The following LRRC10 variants were observed in gnomAD, a reference collection of about 807,000 sequenced individuals.
The protein encoded by LRRC10 is leucine-rich repeat-containing protein 10.
A neutral mutation model predicts 11.1 loss-of-function variants in LRRC10; 6 were observed. The ratio of observed to expected loss-of-function variants is 0.54; its 90% CI spans 0.30 to 1.07. The LOEUF (loss-of-function observed/expected upper bound fraction) is 1.07. Ranked by LOEUF, LRRC10 falls within the 50% of genes least tolerant of loss-of-function variation. The probability of loss-of-function intolerance (pLI) is 0.07; values close to 1 mark genes in which losing one functional copy is unlikely to be tolerated. For missense variants in LRRC10, 320 were observed against 355.5 expected (o/e 0.90, Z 0.80); for synonymous variants, 145 against 153.6 (o/e 0.94, Z 0.41).
chr12:69,608,613 CA>C lies in LRRC10; in HGVS notation c.*1391del, dbSNP rs1416615974. On this transcript the variant is annotated 3_prime_UTR_variant, in exon 1 of 1. Coordinates refer to ENST00000361484, the MANE Select transcript of LRRC10 (RefSeq NM_201550.4). ...GGGAAGGTCACAATTTACATACTTCCAAAAAACAAAATACCTTGGTTTATAC... is the reference window on the plus strand; with the variant it reads ...GGGAAGGTCACAATTTACATACTTCCAAAAACAAAATACCTTGGTTTATAC... 1.3e-5 allele frequency: 2 copies of C among 152,012 alleles called. No individual in the cohort carries two copies. Among genetic ancestry groups the C allele is most frequent in the African/African-American group, 4.8e-5 (2 of 41,382 alleles). 9.4% of individuals were successfully genotyped at this position (152,012 alleles called of 1,614,324 possible). A position where few individuals can be genotyped will look rare whatever the true frequency, so the allele number is the denominator to read the frequency against.
Position 69,610,034 on chromosome 12 carries a change from C to CACCAG in LRRC10, c.804_805insCTGGT (p.Val269LeufsTer64). ...GAGTTGGTAGGAGGAAGTAGAGGGA[C>CACCAG]TGGTGCCTGTAGCTCCTGGCTTTCC... On this transcript the variant is annotated frameshift_variant, in exon 1 of 1. Coordinates refer to ENST00000361484, the MANE Select transcript of LRRC10 (RefSeq NM_201550.4). LOFTEE classifies it low-confidence loss of function (END_TRUNC). 1 of 1,614,198 alleles carries CACCAG rather than the reference C, an allele frequency of 6.2e-7. No individual in the cohort carries two copies. Among genetic ancestry groups the CACCAG allele is most frequent in the East Asian group, 2.2e-5 (1 of 44,874 alleles).
Position 69,609,652 on chromosome 12 carries a change from C to CA in LRRC10, c.*352dup. On this transcript the variant is annotated 3_prime_UTR_variant, in exon 1 of 1. Coordinates refer to ENST00000361484, the MANE Select transcript of LRRC10 (RefSeq NM_201550.4). The stretch of plus-strand genomic sequence containing the variant: ...TGGCAAATACCTTATTTGAGGAGCT[C>CA]ATGAGCTTCATGACCAGTCACTTCT... 1 of 250,994 alleles carries CA rather than the reference C, an allele frequency of 4.0e-6. No individual in the cohort carries two copies. The highest frequency in any genetic ancestry group is 1.4e-3 in the Middle Eastern group (1 of 720). 15.5% of individuals were successfully genotyped at this position (250,994 alleles called of 1,614,324 possible).
rs746667362 is a variant in LRRC10, at chr12:69,610,714, C to A, written c.125G>T (p.Arg42Leu). 2.5e-6 allele frequency: 4 copies of A among 1,614,130 alleles called. No homozygotes were observed. Among genetic ancestry groups the A allele is most frequent in the Non-Finnish European group, 3.4e-6 (4 of 1,180,022 alleles). The change falls in exon 1 of 1, where the codon CGC becomes CTC. Residue 42 changes from arginine to leucine, a missense_variant. Arg to Leu is a moderately radical substitution (Grantham distance 102). Transcript: ENST00000361484. ...KMVDLSGSQL[R>L]RFPLHVCSFR... ...GGAGCACACGTGCAGGGGGAAGCGG[C>A]GTAACTGGCTCCCACTCAGATCCAC...
At position 69,609,926 on chromosome 12, in the gene LRRC10, C is replaced by T. The variant is rs997626716; in HGVS notation, c.*79G>A. 1 of 1,400,688 alleles carries T rather than the reference C, an allele frequency of 7.1e-7. No homozygotes were observed. Among genetic ancestry groups the T allele is most frequent in the South Asian group, 1.3e-5 (1 of 75,754 alleles). The allele number at this position is 1,400,688 out of a possible 1,614,324, so 86.8% of individuals were successfully genotyped here. A position where few individuals can be genotyped will look rare whatever the true frequency, so the allele number is the denominator to read the frequency against. Reference sequence around the variant, plus strand: ...GAGCCACTCCCAAATGACCCAGAGCCATCCTTTCCACTCCAATGGAGAGGC... The same window carrying T: ...GAGCCACTCCCAAATGACCCAGAGCTATCCTTTCCACTCCAATGGAGAGGC... On this transcript the variant is annotated 3_prime_UTR_variant, in exon 1 of 1. Coordinates refer to ENST00000361484, the MANE Select transcript of LRRC10 (RefSeq NM_201550.4).
Position 69,610,332 on chromosome 12 carries a change from C to T in LRRC10, c.507G>A (p.Leu169=). The T allele has an allele frequency of 6.2e-7, 1 of 1,613,432 alleles. No homozygotes were observed. Residue 169 remains leucine, a synonymous_variant, in exon 1 of 1, where the codon CTG becomes CTA. Transcript: ENST00000361484. Reference sequence around the variant, plus strand: ...GGTTGCCCGAGAGCCAGATGGTCCTCAGCTCCTGGAGGCGCCGGAGCTGGC... The same window carrying T: ...GGTTGCCCGAGAGCCAGATGGTCCTTAGCTCCTGGAGGCGCCGGAGCTGGC... ...LPGQLRRLQE[L]RTIWLSGNRL... is the part of the protein sequence containing the mutation.
Position 69,610,531 on chromosome 12 carries a change from A to C in LRRC10, c.308T>G (p.Leu103Arg). Residue 103 changes from leucine to arginine, a missense_variant, in exon 1 of 1, where the codon CTC becomes CGC. Leu to Arg is a moderately radical substitution (Grantham distance 102). Coordinates refer to ENST00000361484, the MANE Select transcript of LRRC10 (RefSeq NM_201550.4). Reference protein sequence around the residue: ...VVCTLKQLCILYLGNNKLCDL... With the variant: ...VVCTLKQLCIRYLGNNKLCDL... The stretch of plus-strand genomic sequence containing the variant: ...GCAGAGTTTGTTGTTGCCCAGGTAG[A>C]GGATGCAGAGCTGTTTCAAGGTGCA... 1 of 1,614,126 alleles carries C rather than the reference A, an allele frequency of 6.2e-7. No homozygotes were observed. The highest frequency in any genetic ancestry group is 8.5e-7 in the Non-Finnish European group (1 of 1,180,024).
At position 69,610,428 on chromosome 12, in the gene LRRC10, C is replaced by T. The variant is rs762992535; in HGVS notation, c.411G>A (p.Pro137=). Residue 137 remains proline (P), a synonymous_variant, in exon 1 of 1, where the codon CCG becomes CCA. Transcript: ENST00000361484. ...WIEANCLTQL[P]DVVCELSLLK... ...GGAGACTCAGCTCACAGACCACATCCGGCAGCTGGGTGAGGCAGTTGGCCT... is the reference window on the plus strand; with the variant it reads ...GGAGACTCAGCTCACAGACCACATCTGGCAGCTGGGTGAGGCAGTTGGCCT... The T allele has an allele frequency of 2.2e-5, 35 of 1,613,836 alleles. No individual in the cohort carries two copies. The highest frequency in any genetic ancestry group is 9.3e-5 in the African/African-American group (7 of 74,934).
rs1325389891 is a variant in LRRC10, at chr12:69,610,472, G to A, written c.367C>T (p.Leu123Phe). ...LPSELSLLQN[L>F]RTLWIEANCL... Reference sequence around the variant, plus strand: ...TTGGCCTCGATCCACAGGGTCCTGAGGTTCTGGAGCAGGCTCAGCTCACTG... The same window carrying A: ...TTGGCCTCGATCCACAGGGTCCTGAAGTTCTGGAGCAGGCTCAGCTCACTG... Residue 123 changes from leucine to phenylalanine, a missense_variant, in exon 1 of 1, where the codon CTC (leucine) becomes TTC (phenylalanine). By Grantham distance (22) the Leu-to-Phe change is conservative. Coordinates refer to ENST00000361484, the MANE Select transcript of LRRC10 (RefSeq NM_201550.4). 3.7e-6 allele frequency: 6 copies of A among 1,614,186 alleles called. No homozygotes were observed. In the Admixed American group the frequency reaches 5.0e-5, roughly 13 times the overall value.
chr12:69,610,344 G>A lies in LRRC10; in HGVS notation c.495C>T (p.Arg165=). The A allele has an allele frequency of 6.2e-7, 1 of 1,613,366 alleles. No homozygotes were observed. The highest frequency in any genetic ancestry group is 1.7e-5 in the Admixed American group (1 of 60,022). Residue 165 remains arginine (R), a synonymous_variant, in exon 1 of 1, where the codon CGC becomes CGT. Coordinates refer to ENST00000361484, the MANE Select transcript of LRRC10 (RefSeq NM_201550.4). ...ALRLLPGQLR[R]LQELRTIWLS... is the part of the protein sequence containing the mutation. Reference sequence around the variant, plus strand: ...GCCAGATGGTCCTCAGCTCCTGGAGGCGCCGGAGCTGGCCTGGCAGCAAAC... The same window carrying A: ...GCCAGATGGTCCTCAGCTCCTGGAGACGCCGGAGCTGGCCTGGCAGCAAAC...
rs976677708 is a variant in LRRC10, at chr12:69,608,904, G to C, written c.*1101C>G. Reference sequence around the variant, plus strand: ...AGAAGGGCTTTGCTTCAGGGAGGTAGACAGGAATCACAACAAGGCTTGACT... The same window carrying C: ...AGAAGGGCTTTGCTTCAGGGAGGTACACAGGAATCACAACAAGGCTTGACT... On this transcript the variant is annotated 3_prime_UTR_variant, in exon 1 of 1. Coordinates refer to ENST00000361484, the MANE Select transcript of LRRC10 (RefSeq NM_201550.4). The C allele has an allele frequency of 2.6e-5, 4 of 152,260 alleles. No homozygotes were observed. The highest frequency in any genetic ancestry group is 5.9e-5 in the Non-Finnish European group (4 of 68,062). 9.4% of individuals were successfully genotyped at this position (152,260 alleles called of 1,614,324 possible).
rs762951776 is a variant in LRRC10, at chr12:69,610,840, C to G, written c.-2G>C. The G allele has an allele frequency of 6.3e-7, 1 of 1,587,052 alleles. No homozygotes were observed. Among genetic ancestry groups the G allele is most frequent in the African/African-American group, 1.3e-5 (1 of 74,612 alleles). ...GAGGGCCCTGATGGTGTTCCCCATG[C>G]GGAGGCTGGGGGCATGGCGAGCCCC... On this transcript the variant is annotated 5_prime_UTR_variant, in exon 1 of 1. Coordinates refer to ENST00000361484, the MANE Select transcript of LRRC10 (RefSeq NM_201550.4).
Position 69,608,577 on chromosome 12 carries a change from T to C in LRRC10, c.*1428A>G, listed in dbSNP as rs1335854068. The C allele has an allele frequency of 6.6e-6, 1 of 152,252 alleles. No homozygotes were observed. The highest frequency in any genetic ancestry group is 1.5e-5 in the Non-Finnish European group (1 of 68,038). The allele number at this position is 152,252 out of a possible 1,614,324, so 9.4% of individuals were successfully genotyped here. A position where few individuals can be genotyped will look rare whatever the true frequency, so the allele number is the denominator to read the frequency against. On this transcript the variant is annotated 3_prime_UTR_variant, in exon 1 of 1. Transcript: ENST00000361484. Reference sequence around the variant, plus strand: ...CACTGACAACAATTTCTTTAAAGTTTATATATTTGTGGGAAGGTCACAATT... The same window carrying C: ...CACTGACAACAATTTCTTTAAAGTTCATATATTTGTGGGAAGGTCACAATT...
In LRRC10 at chr12:69,609,023, A is replaced by C. The variant is rs946500782; in HGVS notation, c.*982T>G. ...ACTGTTGGGAGCAGATCTTGGGACA[A>C]ACCTTTTAGGGAAAATGAACTAAAT... On this transcript the variant is annotated 3_prime_UTR_variant, in exon 1 of 1. Transcript: ENST00000361484. 2 of 152,240 alleles carry C rather than the reference A, an allele frequency of 1.3e-5. No individual in the cohort carries two copies. The highest frequency in any genetic ancestry group is 1.3e-4 in the Admixed American group (2 of 15,290). The allele number at this position is 152,240 out of a possible 1,614,324, so 9.4% of individuals were successfully genotyped here.
rs758182358 is a variant in LRRC10, at chr12:69,610,692, G to A, written c.147C>T (p.Cys49=). The A allele has an allele frequency of 5.6e-6, 9 of 1,614,186 alleles. No individual in the cohort carries two copies. In the East Asian group the frequency reaches 2.0e-4, roughly 36 times the overall value. ...AGAGCTTGACCAGCTCCCTGAAGGAGCACACGTGCAGGGGGAAGCGGCGTA... is the reference window on the plus strand; with the variant it reads ...AGAGCTTGACCAGCTCCCTGAAGGAACACACGTGCAGGGGGAAGCGGCGTA... ...SQLRRFPLHV[C]SFRELVKLYL... is the part of the protein sequence containing the mutation. Residue 49 remains cysteine (C), a synonymous_variant, in exon 1 of 1, where the codon TGC becomes TGT. Transcript: ENST00000361484.
chr12:69,609,211 A>T lies in LRRC10; in HGVS notation c.*794T>A, dbSNP rs1882323454. The T allele has an allele frequency of 1.3e-5, 2 of 152,322 alleles. No individual in the cohort carries two copies. Among genetic ancestry groups the T allele is most frequent in the South Asian group, 4.2e-4 (2 of 4,814 alleles). The allele number at this position is 152,322 out of a possible 1,614,324, so 9.4% of individuals were successfully genotyped here. A position where few individuals can be genotyped will look rare whatever the true frequency, so the allele number is the denominator to read the frequency against. ...TAGCAAGACCTCATCTCTACGAAAA[A>T]ATTAAAGACTTAGCCAGGTGTGCAC... On this transcript the variant is annotated 3_prime_UTR_variant, in exon 1 of 1. Transcript: ENST00000361484.
rs1396685749 is a variant in LRRC10 at position 69,610,581 on chromosome 12, G to T, written c.258C>A (p.Asn86Lys). 6.2e-7 allele frequency: 1 copy of T among 1,613,876 alleles called. No individual in the cohort carries two copies. Among genetic ancestry groups the T allele is most frequent in the Non-Finnish European group, 8.5e-7 (1 of 1,180,034 alleles). The change falls in exon 1 of 1, where the codon AAC becomes AAA. Residue 86 changes from asparagine to lysine, a missense_variant. Asn to Lys is a moderately conservative substitution (Grantham distance 94). Coordinates refer to ENST00000361484, the MANE Select transcript of LRRC10 (RefSeq NM_201550.4). ...NLQILALDFNNFKALPQVVCT... is the reference protein window; with the variant it reads ...NLQILALDFNKFKALPQVVCT... ...ACACCACCTGGGGCAGAGCCTTGAA[G>T]TTGTTGAAATCCAAGGCCAGAATCT...
In LRRC10 at chr12:69,609,025, C is replaced by A. The variant is rs1376272943; in HGVS notation, c.*980G>T. The A allele has an allele frequency of 6.6e-6, 1 of 152,202 alleles. No individual in the cohort carries two copies. The highest frequency in any genetic ancestry group is 6.5e-5 in the Admixed American group (1 of 15,282). The allele number at this position is 152,202 out of a possible 1,614,324, so 9.4% of individuals were successfully genotyped here. A position where few individuals can be genotyped will look rare whatever the true frequency, so the allele number is the denominator to read the frequency against. ...TGTTGGGAGCAGATCTTGGGACAAA[C>A]CTTTTAGGGAAAATGAACTAAATCA... On this transcript the variant is annotated 3_prime_UTR_variant, in exon 1 of 1. Coordinates refer to ENST00000361484, the MANE Select transcript of LRRC10 (RefSeq NM_201550.4).
rs550818805 is a variant in LRRC10 at position 69,610,026 on chromosome 12, T to G, written c.813A>C (p.Leu271=). ...ESQELQAPVP[L]LPPTNS ...CTCCTCAGGAGTTGGTAGGAGGAAG[T>G]AGAGGGACTGGTGCCTGTAGCTCCT... is the stretch of plus-strand genomic sequence containing the variant. Residue 271 remains leucine, a synonymous_variant, in exon 1 of 1, where the codon CTA becomes CTC. Transcript: ENST00000361484. 1.7e-5 allele frequency: 27 copies of G among 1,614,024 alleles called. No individual in the cohort carries two copies. The highest frequency in any genetic ancestry group is 2.1e-5 in the Non-Finnish European group (25 of 1,180,018).
rs1309311769 is a variant in LRRC10 at position 69,608,859 on chromosome 12, G to T, written c.*1146C>A. 1 of 152,204 alleles carries T rather than the reference G, an allele frequency of 6.6e-6. No homozygotes were observed. The highest frequency in any genetic ancestry group is 2.4e-5 in the African/African-American group (1 of 41,442). 9.4% of individuals were successfully genotyped at this position (152,204 alleles called of 1,614,324 possible). ...AGGGATTCAATTTAGCTCAGCTCTG[G>T]CTCATTAGTGTGAATAAACAGAAGG... On this transcript the variant is annotated 3_prime_UTR_variant, in exon 1 of 1. Coordinates refer to ENST00000361484, the MANE Select transcript of LRRC10 (RefSeq NM_201550.4).
Sources: gnomAD v4.1 joint callset for allele counts on GRCh38, gnomAD v4.1.1 for gene constraint, MANE v1.5 for transcripts, NCBI Gene and HGNC (gene_info 2026-07-23, HGNC 2026-07-21) for gene names.